PPP3CB: variants seen among roughly 807,000 people sequenced by gnomAD.
PPP3CB encodes the protein protein phosphatase 3 catalytic subunit beta.
PPP3CB carries 8 observed loss-of-function variants against 66.4 expected under a neutral mutation model. The ratio of observed to expected loss-of-function variants is 0.12; its 90% CI spans 0.07 to 0.22. The LOEUF (loss-of-function observed/expected upper bound fraction) is 0.22. PPP3CB is among the 10% of genes least tolerant of loss of function. The probability of loss-of-function intolerance (pLI) is 1.00; values close to 1 mark genes in which losing one functional copy is unlikely to be tolerated. For missense variants in PPP3CB, 319 were observed against 642.5 expected, an observed-to-expected ratio of 0.50 and a Z score of 5.44; for synonymous variants, 208 against 221.2, an observed-to-expected ratio of 0.94 and a Z score of 0.53.
rs544990577 is a variant in PPP3CB at position 73,493,275 on chromosome 10, C to CAAAAAAAAAAAA, written c.85+2518_85+2529dup. On this transcript the variant is annotated intron_variant, in intron 1 of 13. Coordinates refer to ENST00000360663, the MANE Select transcript of PPP3CB (RefSeq NM_021132.4). ...GGGCAACAAGAGTGAAACTCCGTCT[C>CAAAAAAAAAAAA]AAAAAAAAAAAAAAAATTCCAGGGA... Among the ~76,000 whole-genome samples the CAAAAAAAAAAAA allele has an allele frequency of 1.3e-4, 14 of 105,948 alleles. No individual in the cohort carries two copies. The South Asian group carries it at 3.9e-3, about 29-fold the overall frequency. The allele number at this position is 105,948 out of a possible 152,430, so 69.5% of individuals were successfully genotyped here. A position where few individuals can be genotyped will look rare whatever the true frequency, so the allele number is the denominator to read the frequency against.
intron 9 of PPP3CB, among the ~76,000 whole-genome samples, chr10:73,460,300 GTAGT>G (rs1322806522): frequency 7.0e-6 from 1 of 143,196 alleles, no homozygotes; most frequent in East Asian, 2.0e-4. Flanking sequence ...TCACAGCACA[GTAGT>G]TAGAAAATGA....
At chr10:73,490,052 G>C (rs890230416) in intron 1 of PPP3CB, among the ~76,000 whole-genome samples, 3 of 152,142 alleles carry the variant, frequency 2.0e-5, no homozygotes, top group Admixed American at 2.0e-4. Flanking sequence ...GGCACTACAA[G>C]AGAATCTATC....
At chr10:73,485,950 G>GTGTGTGTGTGTGTGTGTGTGTGTGTGTA (rs58404946) in intron 1 of PPP3CB, among the ~76,000 whole-genome samples, 7 of 124,688 alleles carry the variant, frequency 5.6e-5, no homozygotes, top group East Asian at 6.1e-4. Context: ...GTGTGTGTGT[G>GTGTGTGTGTGTGTGTGTGTGTGTGTGTA]TATTTTTTTT....
chr10:73,462,515 G>A (rs2056539625), intron 9 of PPP3CB, among the ~76,000 whole-genome samples: 1 of 152,122 alleles, frequency 6.6e-6, no homozygotes, highest in South Asian at 2.1e-4. Context: ...TACTGTGGCT[G>A]TAGGAATGGA....
At chr10:73,477,216 G>A (rs1394183196) in intron 3 of PPP3CB, 1 of 518,494 alleles carries the variant, frequency 1.9e-6, no homozygotes, top group East Asian at 5.4e-5. Context: ...AACATGCTTA[G>A]AACATATTAA....
chr10:73,475,042 AATT>A lies in PPP3CB; in HGVS notation c.412-15_412-13del, dbSNP rs1424161210. 6.8e-6 allele frequency: 11 copies of A among 1,606,110 alleles called. No homozygotes were observed. The highest frequency in any genetic ancestry group is 2.7e-5 in the African/African-American group (2 of 74,394). The stretch of plus-strand genomic sequence containing the variant: ...AAATATAAGACACACTGCAAAAGAA[AATT>A]TTTCTAGTGAATTTATCTTGTACTT... On this transcript the variant is annotated splice_polypyrimidine_tract_variant and intron_variant, in intron 3 of 13. Transcript: ENST00000360663.
intron 1 of PPP3CB, among the ~76,000 whole-genome samples, chr10:73,488,482 C>T (rs1475547386): frequency 2.0e-5 from 3 of 150,412 alleles, no homozygotes; most frequent in Non-Finnish European, 3.0e-5. Context: ...GAAGTTTGAA[C>T]CTGCAGTGAG....
At position 73,438,108 on chromosome 10, in the gene PPP3CB, C is replaced by A. The variant is rs1449912693; in HGVS notation, c.*134G>T. On this transcript the variant is annotated 3_prime_UTR_variant, in exon 14 of 14. Coordinates refer to ENST00000360663, the MANE Select transcript of PPP3CB (RefSeq NM_021132.4). The stretch of plus-strand genomic sequence containing the variant: ...CTCAAGCCTCCATCCAGGAAGGGGG[C>A]TAGGGTCTCAGAAGCACAATGGTTT... The A allele has an allele frequency of 4.5e-6, 4 of 882,116 alleles. No individual in the cohort carries two copies. In the African/African-American group the frequency reaches 5.2e-5, roughly 11 times the overall value. 54.6% of individuals were successfully genotyped at this position (882,116 alleles called of 1,614,324 possible). A position where few individuals can be genotyped will look rare whatever the true frequency, so the allele number is the denominator to read the frequency against.
intron 4 of PPP3CB, among the ~76,000 whole-genome samples, chr10:73,472,275 G>A (rs765924281): frequency 8.5e-5 from 13 of 152,198 alleles, no homozygotes; most frequent in Non-Finnish European, 1.3e-4. Flanking sequence ...CAGGCAGATC[G>A]CTTGAGGCCA....
intron 1 of PPP3CB, among the ~76,000 whole-genome samples, chr10:73,483,941 C>T (rs2056926765): frequency 6.6e-6 from 1 of 151,948 alleles, no homozygotes; most frequent in Non-Finnish European, 1.5e-5. Context: ...GTCAGGAGTT[C>T]AAGACCATCC....
chr10:73,491,390 C>CG (rs1260666572), intron 1 of PPP3CB, among the ~76,000 whole-genome samples: 10 of 151,994 alleles, frequency 6.6e-5, no homozygotes, highest in Non-Finnish European at 1.2e-4. Context: ...GTCTCAAACT[C>CG]CTGACCTCAA....
intron 9 of PPP3CB, among the ~76,000 whole-genome samples, chr10:73,460,898 G>A (rs1329340657): frequency 6.6e-6 from 1 of 152,238 alleles, no homozygotes; most frequent in African/African-American, 2.4e-5. Flanking sequence ...AAGCCTAGGT[G>A]CCCAGGGGCA....
At chr10:73,494,650 T>TAA (rs563632482) in intron 1 of PPP3CB, among the ~76,000 whole-genome samples, 2 of 140,950 alleles carry the variant, frequency 1.4e-5, no homozygotes, top group African/African-American at 5.2e-5. Flanking sequence ...AATTTTTAAT[T>TAA]AAAAAAAAAA....
chr10:73,472,594 T>C (rs2056721427), intron 4 of PPP3CB, among the ~76,000 whole-genome samples: 1 of 151,568 alleles, frequency 6.6e-6, no homozygotes, highest in Admixed American at 6.6e-5. Context: ...GAGGTTAAAA[T>C]CATTTTAATA....
At chr10:73,441,912 C>T (rs564249237) in intron 12 of PPP3CB, among the ~76,000 whole-genome samples, 3 of 152,246 alleles carry the variant, frequency 2.0e-5, no homozygotes, top group African/African-American at 7.2e-5. Context: ...TTTTTATTTT[C>T]TGACAAATAG....
At chr10:73,443,306 A>AAGAC (rs754480731) in intron 12 of PPP3CB, among the ~76,000 whole-genome samples, 1 of 148,426 alleles carries the variant, frequency 6.7e-6, no homozygotes, top group Admixed American at 6.6e-5. Context: ...GAAAGAAAGA[A>AAGAC]AGAAAGAAAG....
rs1564546906 is a variant in PPP3CB at position 73,443,247 on chromosome 10, AGAAAGAG to A, written c.1366+1471_1366+1477del. On this transcript the variant is annotated intron_variant, in intron 12 of 13. Coordinates refer to ENST00000360663, the MANE Select transcript of PPP3CB (RefSeq NM_021132.4). ...AAAAAAGAAAGACAGAGAGAGAGAG[AGAAAGAG>A]AGAGAGAGAGAGAGAAAGAAAGAAA... Among the ~76,000 whole-genome samples, 130 of 142,210 alleles carry A rather than the reference AGAAAGAG, an allele frequency of 9.1e-4. 1 individual carries two copies. The highest frequency in any genetic ancestry group is 3.5e-3 in the African/African-American group (123 of 35,374). 93.3% of individuals were successfully genotyped at this position (142,210 alleles called of 152,430 possible). A position where few individuals can be genotyped will look rare whatever the true frequency, so the allele number is the denominator to read the frequency against.
chr10:73,437,715 C>G lies in PPP3CB; in HGVS notation c.*527G>C, dbSNP rs765838825. The stretch of plus-strand genomic sequence containing the variant: ...ATTAGCCACATTTAAGAACTATAGA[C>G]CTGAGGTCAACATTTTGTATAAATG... On this transcript the variant is annotated 3_prime_UTR_variant, in exon 14 of 14. Coordinates refer to ENST00000360663, the MANE Select transcript of PPP3CB (RefSeq NM_021132.4). 1 of 152,682 alleles carries G rather than the reference C, an allele frequency of 6.5e-6. No homozygotes were observed. The highest frequency in any genetic ancestry group is 1.5e-5 in the Non-Finnish European group (1 of 68,086). The allele number at this position is 152,682 out of a possible 1,614,324, so 9.5% of individuals were successfully genotyped here. A position where few individuals can be genotyped will look rare whatever the true frequency, so the allele number is the denominator to read the frequency against.
At chr10:73,462,949 CAAAAAAAAAAAAAAAAA>C (rs10569079) in intron 9 of PPP3CB, among the ~76,000 whole-genome samples, 2 of 58,784 alleles carry the variant, frequency 3.4e-5, no homozygotes, top group East Asian at 6.4e-4. Context: ...GACTCTGTCT[CAAAAAAAAAAAAAAAAA>C]AAAAAAAAAA....
Sources: gnomAD v4.1 joint callset for allele counts (sites outside exome capture counted in the v4.1 genomes callset) on GRCh38, gnomAD v4.1.1 for gene constraint, MANE v1.5 for transcripts, NCBI Gene and HGNC (gene_info 2026-07-23, HGNC 2026-07-21) for gene names.